GLP2R: variants seen among roughly 807,000 people sequenced by gnomAD.
The protein encoded by GLP2R is glucagon like peptide 2 receptor.
A neutral mutation model predicts 68.2 loss-of-function variants in GLP2R; 59 were observed. The ratio of observed to expected loss-of-function variants is 0.87; its 90% CI spans 0.70 to 1.07. GLP2R has a LOEUF of 1.07. Among genes scored for constraint, GLP2R ranks in the 50% least tolerant of loss-of-function variants. The pLI is 0.00. For missense variants in GLP2R, 548 were observed against 677.4 expected (o/e 0.81, Z 2.12); for synonymous variants, 270 against 265.4 (o/e 1.02, Z -0.17).
At chr17:9,884,425 T>A (rs1037319158) in intron 11 of GLP2R, among the ~76,000 whole-genome samples, 2 of 152,186 alleles carry the variant, frequency 1.3e-5, no homozygotes, top group African/African-American at 2.4e-5. Context: ...AGGTTTTTAT[T>A]CAGAGGTTAA....
At chr17:9,845,748 C>CGTGCGT (rs1555570276) in intron 4 of GLP2R, among the ~76,000 whole-genome samples, 1 of 148,352 alleles carries the variant, frequency 6.7e-6, no homozygotes, top group Non-Finnish European at 1.5e-5. Flanking sequence ...TGTGTGTGTG[C>CGTGCGT]GTGTGTGTGT....
At chr17:9,833,671 C>A in intron 1 of GLP2R, 136 bp from the exon 2 acceptor site, 1 of 611,442 alleles carries the variant, frequency 1.6e-6, no homozygotes, top group Admixed American at 3.1e-5. Context: ...ACATAAGATG[C>A]TGAAGAAATG....
At chr17:9,836,703 G>A (rs2152031378) in intron 3 of GLP2R, among the ~76,000 whole-genome samples, 1 of 152,064 alleles carries the variant, frequency 6.6e-6, no homozygotes, top group Admixed American at 6.5e-5. Context: ...GAGATGTTTT[G>A]ATACAGGCAT....
chr17:9,859,628 T>TAA (rs150895787), intron 6 of GLP2R, among the ~76,000 whole-genome samples: 5,532 of 123,556 alleles, frequency 0.045, 330 homozygotes, highest in African/African-American at 0.16. Context: ...CTGTGTCTAC[T>TAA]AAAAAAAAAT....
In GLP2R at chr17:9,862,010, G is replaced by C. The variant is rs751282452; in HGVS notation, c.987-11G>C. ...AAGTCTTCTACTGCCTGCTTCTACT[G>C]TTGACCTTAGGTGCTGGACAACAAA... On this transcript the variant is annotated splice_polypyrimidine_tract_variant and intron_variant, in intron 8 of 12. Coordinates refer to ENST00000262441, the MANE Select transcript of GLP2R (RefSeq NM_004246.3). 1.2e-6 allele frequency: 2 copies of C among 1,603,430 alleles called. No homozygotes were observed. The highest frequency in any genetic ancestry group is 3.3e-5 in the Admixed American group (2 of 60,000).
At chr17:9,873,556 C>CTTTTTTTTTTTTTTT (rs3073988) in intron 10 of GLP2R, among the ~76,000 whole-genome samples, 2 of 52,060 alleles carry the variant, frequency 3.8e-5, no homozygotes, top group Non-Finnish European at 3.4e-5. Flanking sequence ...TATGCATGGA[C>CTTTTTTTTTTTTTTT]TTTTTTTTTT....
chr17:9,826,752 A>G (rs528673830), intron 1 of GLP2R, among the ~76,000 whole-genome samples: 13 of 152,330 alleles, frequency 8.5e-5, no homozygotes, highest in African/African-American at 2.9e-4. Flanking sequence ...AATTCAAAGA[A>G]GTGAAATGCA....
chr17:9,860,312 C>T (rs1179447213), intron 7 of GLP2R, among the ~76,000 whole-genome samples: 2 of 152,232 alleles, frequency 1.3e-5, no homozygotes, highest in Non-Finnish European at 2.9e-5. Context: ...CCAATGGACA[C>T]ATTCAAAAAT....
intron 1 of GLP2R, among the ~76,000 whole-genome samples, chr17:9,828,467 T>G (rs943278401): frequency 6.6e-6 from 1 of 152,238 alleles, no homozygotes; most frequent in Non-Finnish European, 1.5e-5. Flanking sequence ...AAATGTGGAT[T>G]GCTGACCACA....
chr17:9,833,580 AT>A (rs369846116), intron 1 of GLP2R, among the ~76,000 whole-genome samples: 47 of 152,130 alleles, frequency 3.1e-4, no homozygotes, highest in African/African-American at 1.1e-3. Context: ...AAGGTTTTTA[AT>A]TTTTTTTCAT....
chr17:9,843,398 G>A (rs2066806799), intron 4 of GLP2R, among the ~76,000 whole-genome samples: 1 of 152,162 alleles, frequency 6.6e-6, no homozygotes, highest in Non-Finnish European at 1.5e-5. Flanking sequence ...TCATGCCACA[G>A]GGATCATATT....
At chr17:9,879,309 A>G in intron 10 of GLP2R, among the ~76,000 whole-genome samples, 1 of 83,550 alleles carries the variant, frequency 1.2e-5, no homozygotes, top group African/African-American at 4.3e-5. Context: ...ATAAAATAAA[A>G]TAAAATAAAA....
chr17:9,856,467 G>A (rs1262287542), intron 5 of GLP2R, among the ~76,000 whole-genome samples: 1 of 152,244 alleles, frequency 6.6e-6, no homozygotes, highest in African/African-American at 2.4e-5. Flanking sequence ...GACAGGGTGT[G>A]TGCTACCCAG....
intron 11 of GLP2R, among the ~76,000 whole-genome samples, chr17:9,882,940 C>CAA (rs60714900): frequency 0.068 from 9,028 of 131,930 alleles, 914 homozygotes; most frequent in African/African-American, 0.23. Flanking sequence ...CAGTTTTTTC[C>CAA]AAAAATATGA....
chr17:9,880,281 T>A, intron 10 of GLP2R, 97 bp from the exon 11 acceptor site: 1 of 715,096 alleles, frequency 1.4e-6, no homozygotes, highest in Non-Finnish European at 2.4e-6. Context: ...ACTATCAATA[T>A]GGTAAGAGCT....
At chr17:9,886,590 A>G (rs1413855731) in intron 11 of GLP2R, among the ~76,000 whole-genome samples, 5 of 152,194 alleles carry the variant, frequency 3.3e-5, no homozygotes, top group African/African-American at 1.2e-4. Flanking sequence ...GAAAATGATT[A>G]AGTGATAACA....
intron 10 of GLP2R, among the ~76,000 whole-genome samples, chr17:9,878,379 G>A (rs773270261): frequency 2.1e-4 from 32 of 152,184 alleles, no homozygotes; most frequent in Non-Finnish European, 4.6e-4. Context: ...TTGTCTGCAG[G>A]TCAGTTACTA....
intron 3 of GLP2R, among the ~76,000 whole-genome samples, chr17:9,838,583 T>G (rs1278093840): frequency 3.3e-5 from 5 of 151,810 alleles, no homozygotes; most frequent in African/African-American, 9.7e-5. Context: ...TAAGAGAAAA[T>G]GAAGTGTTCA....
chr17:9,872,169 G>A (rs183493438), intron 10 of GLP2R, among the ~76,000 whole-genome samples: 29 of 152,352 alleles, frequency 1.9e-4, no homozygotes, highest in African/African-American at 6.0e-4. Context: ...CCCTAGCCCT[G>A]TTTCTCTCCC....
Sources: gnomAD v4.1 joint callset for allele counts (sites outside exome capture counted in the v4.1 genomes callset) on GRCh38, gnomAD v4.1.1 for gene constraint, MANE v1.5 for transcripts, NCBI Gene and HGNC (gene_info 2026-07-23, HGNC 2026-07-21) for gene names.